Variants in DYSF observed in about 807,000 individuals in gnomAD.
DYSF encodes dystrophy-associated fer-1-like 1.
A neutral mutation model predicts 274.9 loss-of-function variants in DYSF; 212 were observed. The ratio of observed to expected loss-of-function variants is 0.77; its 90% CI spans 0.69 to 0.86. DYSF has a LOEUF of 0.86. Ranked by LOEUF, DYSF falls within the 40% of genes least tolerant of loss-of-function variation. DYSF has a pLI of 0.00. For missense variants in DYSF, 2,666 were observed against 2,783.2 expected (o/e 0.96, Z 0.95); for synonymous variants, 1,091 against 1,078.7 (o/e 1.01, Z -0.22).
upstream of DYSF, among the ~76,000 whole-genome samples, chr2:71,465,536 G>A (rs939514169): frequency 2.0e-5 from 3 of 152,170 alleles, no homozygotes; most frequent in Admixed American, 6.5e-5. Context: ...CACTCAGGCC[G>A]GCTGTGTTAC....
chr2:71,549,535 C>A lies in DYSF; in HGVS notation c.1577-1506C>A, dbSNP rs1452854128. ...CCACAAAGGTAAGTCCCTGGACTTA[C>A]CTTTGCTGTCACCTCTCGGCCTCTG... is the stretch of plus-strand genomic sequence containing the variant. On this transcript the variant is annotated intron_variant, in intron 17 of 55. Coordinates refer to ENST00000410020, the MANE Select transcript of DYSF (RefSeq NM_001130987.2). The A allele has an allele frequency of 2.6e-6, 2 of 767,554 alleles. 1 individual carries two copies. Among genetic ancestry groups the A allele is most frequent in the Non-Finnish European group, 4.3e-6 (2 of 464,128 alleles). The allele number at this position is 767,554 out of a possible 1,614,324, so 47.5% of individuals were successfully genotyped here.
chr2:71,497,467 T>A (rs1008037840), intron 3 of DYSF, among the ~76,000 whole-genome samples: 1 of 152,236 alleles, frequency 6.6e-6, no homozygotes, highest in African/African-American at 2.4e-5. Context: ...CTTCACTCTG[T>A]ACTTCTTGCT....
intron 30 of DYSF, among the ~76,000 whole-genome samples, chr2:71,586,076 A>G (rs948602470): frequency 1.2e-4 from 18 of 152,106 alleles, no homozygotes; most frequent in Non-Finnish European, 4.4e-5. Context: ...GACTCAATTT[A>G]GAGGCCACAG....
At chr2:71,467,153 G>A (rs1232957175) in intron 1 of DYSF, among the ~76,000 whole-genome samples, 5 of 152,222 alleles carry the variant, frequency 3.3e-5, no homozygotes, top group African/African-American at 1.2e-4. Flanking sequence ...AATTGGAAAA[G>A]CGAAAGTGCC....
chr2:71,671,247 T>A (rs1263705172), intron 51 of DYSF, among the ~76,000 whole-genome samples: 1 of 152,192 alleles, frequency 6.6e-6, no homozygotes, highest in Non-Finnish European at 1.5e-5. Flanking sequence ...AAAGCAGAAT[T>A]GAGCAACAGG....
At chr2:71,539,346 A>T (rs1478826905) in intron 17 of DYSF, 107 bp downstream of exon 17, 2 of 997,582 alleles carry the variant, frequency 2.0e-6, no homozygotes, top group African/African-American at 3.2e-5. Flanking sequence ...AGGGGAGATT[A>T]TAAGGCCTCT....
At chr2:71,663,825 T>A (rs1394631143) in intron 45 of DYSF, among the ~76,000 whole-genome samples, 1 of 152,142 alleles carries the variant, frequency 6.6e-6, no homozygotes, top group Non-Finnish European at 1.5e-5. Flanking sequence ...GGCCCCTTGC[T>A]CTGGAGTACC....
At position 71,669,203 on chromosome 2, in the gene DYSF, A is replaced by G. The variant is rs1320752132; in HGVS notation, c.5638A>G (p.Lys1880Glu). The G allele has an allele frequency of 6.2e-6, 10 of 1,605,072 alleles. No individual in the cohort carries two copies. In the Admixed American group the frequency reaches 1.4e-4, roughly 22 times the overall value. ...TGEKMSDIYV[K>E]GWMIGFEEHK... is the part of the protein sequence containing the mutation. The stretch of plus-strand genomic sequence containing the variant: ...GGAGAAGATGAGCGACATTTATGTG[A>G]AAGGGTAGGGAGCCAGCGTCCTCTT... The change falls in exon 50 of 56, where the codon AAA (lysine) becomes GAA (glutamate). Residue 1880 changes from lysine to glutamate, a missense_variant. Physicochemically the swap from Lys to Glu is moderately conservative, Grantham distance 56 (BLOSUM62 1). Around this residue, in one of 3 missense-constraint regions of DYSF, gnomAD observed 1,460 missense variants for 1,502.1 expected, o/e 0.97. Transcript: ENST00000410020.
chr2:71,549,388 G>GA (rs2090757015), intron 17 of DYSF: 1 of 1,612,036 alleles, frequency 6.2e-7, no homozygotes. Flanking sequence ...GAAAGCCTCA[G>GA]ACTGTACGTT....
intron 44 of DYSF, among the ~76,000 whole-genome samples, chr2:71,659,503 G>C (rs2094837783): frequency 6.6e-6 from 1 of 152,182 alleles, no homozygotes; most frequent in Non-Finnish European, 1.5e-5. Flanking sequence ...GCTATGCCTA[G>C]TCATGGCAGA....
chr2:71,685,878 C>T (rs918919047), intron 55 of DYSF, among the ~76,000 whole-genome samples: 5 of 152,162 alleles, frequency 3.3e-5, no homozygotes, highest in African/African-American at 1.2e-4. Context: ...AGGATACTGT[C>T]AATCCTGCAG....
In DYSF at chr2:71,556,029, C is replaced by T. The variant is rs376571932; in HGVS notation, c.2174C>T (p.Ser725Leu). ...KAQCSTEDVD[S>L]LVAQLTDELI... is the part of the protein sequence containing the mutation. ...CAGTGCTCCACGGAGGACGTGGACT[C>T]GCTGGTGGCTCAGCTGACGGATGAG... is the stretch of plus-strand genomic sequence containing the variant. The change falls in exon 22 of 56, where the codon TCG becomes TTG. Residue 725 changes from serine to leucine, a missense_variant. Physicochemically the swap from Ser to Leu is moderately radical, Grantham distance 145. Around this residue, in one of 3 missense-constraint regions of DYSF, gnomAD observed 412 missense variants for 504.0 expected, o/e 0.82. Coordinates refer to ENST00000410020, the MANE Select transcript of DYSF (RefSeq NM_001130987.2). The T allele has an allele frequency of 4.4e-6, 7 of 1,578,700 alleles. No individual in the cohort carries two copies. Among genetic ancestry groups the T allele is most frequent in the South Asian group, 1.2e-5 (1 of 85,800 alleles).
chr2:71,620,552 A>C lies in DYSF; in HGVS notation c.4470A>C (p.Ala1490=), dbSNP rs546061624. The change falls in exon 41 of 56, where the codon GCA becomes GCC. Residue 1490 remains alanine, a synonymous_variant. Transcript: ENST00000410020. ...DKEPLIPIQL[A]DGLSSLAPTN... ...CCAGCATGTTTCATTTGTAGCTTGC[A>C]GACGGTCTGTCGAGCTTGGCCCCCA... 16 of 1,551,744 alleles carry C rather than the reference A, an allele frequency of 1.0e-5. No homozygotes were observed. Among genetic ancestry groups the C allele is most frequent in the Admixed American group, 3.9e-5 (2 of 51,008 alleles).
intron 34 of DYSF, 200 bp from the exon 35 acceptor site, chr2:71,601,299 C>G (rs1017412078): frequency 2.9e-6 from 2 of 699,316 alleles, no homozygotes; most frequent in Non-Finnish European, 5.0e-6. Flanking sequence ...AATAAGTAGA[C>G]TGAATAGGAG....
At chr2:71,469,546 C>T (rs1425651808) in intron 1 of DYSF, among the ~76,000 whole-genome samples, 2 of 152,214 alleles carry the variant, frequency 1.3e-5, no homozygotes, top group East Asian at 1.9e-4. Context: ...TTGGCTCCTA[C>T]AGGCAGCCTG....
At position 71,535,080 on chromosome 2, in the gene DYSF, G is replaced by C; in HGVS notation, c.1440G>C (p.Leu480=). 1 of 1,614,156 alleles carries C rather than the reference G, an allele frequency of 6.2e-7. No homozygotes were observed. The highest frequency in any genetic ancestry group is 8.5e-7 in the Non-Finnish European group (1 of 1,180,026). The part of the protein sequence containing the change: ...ANPQWNQNIT[L]PAMFPSMCEK... ...CTCAGTGGAACCAGAACATCACACT[G>C]CCTGCCATGGTGAGCCTCCTGCCCC... The change falls in exon 15 of 56, where the codon CTG becomes CTC. Residue 480 remains leucine, a synonymous_variant. Coordinates refer to ENST00000410020, the MANE Select transcript of DYSF (RefSeq NM_001130987.2).
chr2:71,517,174 C>A, intron 10 of DYSF, 135 bp downstream of exon 10: 1 of 863,008 alleles, frequency 1.2e-6, no homozygotes, highest in Non-Finnish European at 1.9e-6. Flanking sequence ...AAGAACAACG[C>A]CAAGCCCTCT....
At chr2:71,492,277 C>T (rs1370300333) in intron 3 of DYSF, among the ~76,000 whole-genome samples, 1 of 152,180 alleles carries the variant, frequency 6.6e-6, no homozygotes, top group Admixed American at 6.5e-5. Flanking sequence ...CTGGAATGTC[C>T]TGCTGTTCCC....
At chr2:71,516,114 C>T in intron 8 of DYSF, 66 bp from the exon 9 acceptor site, 1 of 1,507,108 alleles carries the variant, frequency 6.6e-7, no homozygotes, top group Non-Finnish European at 9.2e-7. Flanking sequence ...GGGTGGTGGT[C>T]CTCCCTCTCC....
Sources: gnomAD v4.1 joint callset for allele counts (sites outside exome capture counted in the v4.1 genomes callset) on GRCh38, gnomAD v4.1.1 for gene constraint, gnomAD v4.1.1 regional missense constraint, MANE v1.5 for transcripts, NCBI Gene and HGNC (gene_info 2026-07-23, HGNC 2026-07-21) for gene names.